The following ADA2 variants were observed in gnomAD, a reference collection of about 807,000 sequenced individuals.
ADA2 encodes the protein adenosine deaminase 2.
Under a neutral mutation model 44.2 loss-of-function variants are expected in ADA2, and 29 were observed. The observed-to-expected ratio is 0.66, with a 90% CI of 0.49 to 0.89. The LOEUF is 0.89. Among genes scored for constraint, ADA2 ranks in the 40% least tolerant of loss-of-function variants. The pLI, the probability that ADA2 is intolerant of heterozygous loss-of-function variation, is 0.00. For missense variants in ADA2, 637 were observed against 644.8 expected (o/e 0.99, Z 0.13); for synonymous variants, 215 against 234.9 (o/e 0.92, Z 0.77).
intron 4 of ADA2, chr22:17,193,357 G>GAAAAAAAAAAA: frequency 2.1e-5 from 1 of 47,622 alleles, no homozygotes; most frequent in African/African-American, 1.4e-4. Context: ...CGTAAAAACT[G>GAAAAAAAAAAA]CAAAAAAAAA....
At chr22:17,197,269 CTTT>C (rs113880994) in intron 4 of ADA2, among the ~76,000 whole-genome samples, 1 of 143,156 alleles carries the variant, frequency 7.0e-6, no homozygotes. Context: ...TCTTTTTTTT[CTTT>C]TTTTTTTTTG....
chr22:17,193,580 A>C (rs1282820441), intron 4 of ADA2, among the ~76,000 whole-genome samples: 2 of 151,242 alleles, frequency 1.3e-5, no homozygotes, highest in African/African-American at 4.9e-5. Context: ...AGGCAGGATA[A>C]TCGCTTGAAC....
intron 3 of ADA2, among the ~76,000 whole-genome samples, chr22:17,204,868 C>T (rs1288888064): frequency 4.0e-5 from 6 of 149,758 alleles, no homozygotes; most frequent in East Asian, 1.9e-4. Context: ...AATCACAGCT[C>T]GCTGCAGCCT....
intron 1 of ADA2, among the ~76,000 whole-genome samples, chr22:17,217,190 T>C (rs5748954): frequency 0.43 from 64,859 of 151,728 alleles, 14,560 homozygotes; most frequent in East Asian, 0.76. Flanking sequence ...GAGATGATTA[T>C]TGGTTGAAGA....
At chr22:17,195,224 T>C (rs547035222) in intron 4 of ADA2, among the ~76,000 whole-genome samples, 25 of 152,260 alleles carry the variant, frequency 1.6e-4, no homozygotes, top group African/African-American at 5.3e-4. Context: ...TCTGTGCACA[T>C]AGCAAATTCT....
At chr22:17,211,634 T>C (rs1164863168) in intron 1 of ADA2, among the ~76,000 whole-genome samples, 12 of 151,206 alleles carry the variant, frequency 7.9e-5, no homozygotes, top group Non-Finnish European at 1.5e-4. Context: ...TCCTCTCTAA[T>C]AAATAAATGA....
intron 1 of ADA2, among the ~76,000 whole-genome samples, chr22:17,218,042 CA>C (rs1171127894): frequency 6.6e-6 from 1 of 152,110 alleles, no homozygotes; most frequent in Non-Finnish European, 1.5e-5. Context: ...AGTGGTTTTC[CA>C]AGTGCAGCAT....
chr22:17,201,784 G>A (rs187070569), intron 4 of ADA2, among the ~76,000 whole-genome samples: 12 of 152,140 alleles, frequency 7.9e-5, no homozygotes, highest in Middle Eastern at 3.4e-3. Context: ...CTACCAACAC[G>A]GAGCCTGGTG....
Position 17,181,975 on chromosome 22 carries a change from C to T in ADA2, c.1287G>A (p.Leu429=). Reference sequence around the variant, plus strand: ...TCACCATGGGGTGCCCAGTGGCCATCAGAGTGGCTACAGGGTGGTTCCTCA... The same window carrying T: ...TCACCATGGGGTGCCCAGTGGCCATTAGAGTGGCTACAGGGTGGTTCCTCA... ...SDLRNHPVAT[L]MATGHPMVIS... Residue 429 remains leucine, a synonymous_variant, in exon 9 of 10, where the codon CTG becomes CTA. Transcript: ENST00000399837. 1 of 1,614,168 alleles carries T rather than the reference C, an allele frequency of 6.2e-7. No homozygotes were observed. The highest frequency in any genetic ancestry group is 8.5e-7 in the Non-Finnish European group (1 of 1,180,018).
intron 4 of ADA2, among the ~76,000 whole-genome samples, chr22:17,192,737 G>A (rs2062134321): frequency 6.6e-6 from 1 of 152,002 alleles, no homozygotes; most frequent in Admixed American, 6.6e-5. Context: ...GCTGAGGCAG[G>A]AGAATCGCTT....
At chr22:17,192,839 A>T in intron 4 of ADA2, 1 of 374,730 alleles carries the variant, frequency 2.7e-6, no homozygotes, top group Non-Finnish European at 5.1e-6. Flanking sequence ...GAAAAAAAAA[A>T]AGGGGGGGCC....
chr22:17,186,899 G>A lies in ADA2; in HGVS notation c.1081+1440C>T, dbSNP rs533120782. Among the ~76,000 whole-genome samples the A allele has an allele frequency of 1.2e-4, 18 of 150,122 alleles. No individual in the cohort carries two copies. The South Asian group carries it at 3.6e-3, about 30-fold the overall frequency. On this transcript the variant is annotated intron_variant, in intron 7 of 9. Transcript: ENST00000399837. ...ACAAAAAAATTGACCAGGTGCAGTGGCTCACACCTGTAATCCCAGCACTTT... is the reference window on the plus strand; with the variant it reads ...ACAAAAAAATTGACCAGGTGCAGTGACTCACACCTGTAATCCCAGCACTTT...
intron 7 of ADA2, among the ~76,000 whole-genome samples, chr22:17,184,028 G>T (rs1009952765): frequency 7.8e-6 from 1 of 127,852 alleles, no homozygotes; most frequent in African/African-American, 3.1e-5. Flanking sequence ...GTGCAGTCTC[G>T]GCTCACTGCA....
chr22:17,196,911 G>C (rs2062198234), intron 4 of ADA2, among the ~76,000 whole-genome samples: 1 of 152,194 alleles, frequency 6.6e-6, no homozygotes, highest in Non-Finnish European at 1.5e-5. Context: ...GGTGGCTTAT[G>C]CCTGTAATCC....
In ADA2 at chr22:17,189,924, G is replaced by A; in HGVS notation, c.972+18C>T. On this transcript the variant is annotated intron_variant, in intron 6 of 9. Transcript: ENST00000399837. ...TGCCCCCTTAACAGGCAGCCCTTCT[G>A]TTCACAGCATGGGTTACCAGGTCAA... 6.3e-7 allele frequency: 1 copy of A among 1,589,748 alleles called. No homozygotes were observed. Among genetic ancestry groups the A allele is most frequent in the Admixed American group, 1.7e-5 (1 of 59,962 alleles).
At chr22:17,205,425 G>T (rs1422148282) in intron 3 of ADA2, among the ~76,000 whole-genome samples, 1 of 152,054 alleles carries the variant, frequency 6.6e-6, no homozygotes, top group Non-Finnish European at 1.5e-5. Context: ...GAGAAAATCA[G>T]TTCCTATTGT....
intron 1 of ADA2, among the ~76,000 whole-genome samples, chr22:17,212,061 G>A (rs1275722007): frequency 6.6e-6 from 1 of 151,460 alleles, no homozygotes; most frequent in East Asian, 1.9e-4. Flanking sequence ...TTTCGCTCTT[G>A]TCAACCAGGC....
intron 2 of ADA2, among the ~76,000 whole-genome samples, chr22:17,208,129 A>G (rs953553690): frequency 6.6e-6 from 1 of 152,078 alleles, no homozygotes; most frequent in Non-Finnish European, 1.5e-5. Context: ...TTATAACATT[A>G]AAAGAAAAAA....
chr22:17,188,886 T>TATATATATATATA (rs1491152456), intron 6 of ADA2, among the ~76,000 whole-genome samples: 6 of 59,610 alleles, frequency 1.0e-4, no homozygotes, highest in South Asian at 5.9e-4. Context: ...TATATATATA[T>TATATATATATATA]TTTGTAAAGA....
Sources: gnomAD v4.1 joint callset for allele counts (sites outside exome capture counted in the v4.1 genomes callset) on GRCh38, gnomAD v4.1.1 for gene constraint, MANE v1.5 for transcripts, NCBI Gene and HGNC (gene_info 2026-07-23, HGNC 2026-07-21) for gene names.